PPFIA2: variants seen among roughly 807,000 people sequenced by gnomAD.
PPFIA2 encodes the protein PPFI scaffold protein A2.
In PPFIA2, 46 loss-of-function variants were observed where a neutral mutation model predicts 175.5. The ratio of observed to expected loss-of-function variants is 0.26; its 90% confidence interval spans 0.21 to 0.34. The LOEUF is 0.34. Among genes scored for constraint, PPFIA2 ranks in the 10% least tolerant of loss-of-function variants. PPFIA2 has a pLI of 1.00. For missense variants in PPFIA2, 1,179 were observed against 1,506.1 expected, an observed-to-expected ratio of 0.78 and a Z score of 3.60; for synonymous variants, 568 against 511.4, an observed-to-expected ratio of 1.11 and a Z score of -1.49.
At chr12:81,625,410 T>C (rs2062581901) in intron 4 of PPFIA2, among the ~76,000 whole-genome samples, 1 of 151,824 alleles carries the variant, frequency 6.6e-6, no homozygotes, top group African/African-American at 2.4e-5. Flanking sequence ...GAAGGAGGAA[T>C]TTTCACAAGA....
rs191646916 is a variant in PPFIA2 at position 81,612,770 on chromosome 12, A to C, written c.303+64021T>G. On this transcript the variant is annotated intron_variant, in intron 4 of 32. Coordinates refer to ENST00000549396, the MANE Select transcript of PPFIA2 (RefSeq NM_003625.5). ...CATAATTTCATAAAATATGTATATG[A>C]ATGTACATAGATGTGTCATATATAT... 9.2e-4 allele frequency among the ~76,000 whole-genome samples: 140 copies of C among 152,348 alleles called. 1 individual carries two copies. Among genetic ancestry groups the C allele is most frequent in the African/African-American group, 3.2e-3 (133 of 41,580 alleles).
chr12:81,312,781 G>C (rs1021547549), intron 22 of PPFIA2, among the ~76,000 whole-genome samples: 3 of 152,084 alleles, frequency 2.0e-5, no homozygotes, highest in African/African-American at 7.2e-5. Context: ...AATGTGTAAA[G>C]TCCATTCCAG....
intron 22 of PPFIA2, among the ~76,000 whole-genome samples, chr12:81,317,647 C>T (rs2052713516): frequency 6.6e-6 from 1 of 151,506 alleles, no homozygotes; most frequent in Non-Finnish European, 1.5e-5. Context: ...GAAATCACTG[C>T]CCTAACTCCT....
rs146941245 is a variant in PPFIA2 at position 81,646,314 on chromosome 12, A to T, written c.303+30477T>A. Among the ~76,000 whole-genome samples, 399 of 152,240 alleles carry T rather than the reference A, an allele frequency of 2.6e-3. 1 individual carries two copies. The highest frequency in any genetic ancestry group is 3.9e-3 in the Non-Finnish European group (263 of 68,012). On this transcript the variant is annotated intron_variant, in intron 4 of 32. Coordinates refer to ENST00000549396, the MANE Select transcript of PPFIA2 (RefSeq NM_003625.5). Reference sequence around the variant, plus strand: ...CAGCTGTCTTGAAGGAGGGCTAGAAAACTTGATTGCACCCTAGACCCTCTA... The same window carrying T: ...CAGCTGTCTTGAAGGAGGGCTAGAATACTTGATTGCACCCTAGACCCTCTA...
At chr12:81,370,962 C>T (rs565493674) in intron 11 of PPFIA2, among the ~76,000 whole-genome samples, 1 of 151,894 alleles carries the variant, frequency 6.6e-6, no homozygotes, top group Non-Finnish European at 1.5e-5. Flanking sequence ...CATGCAGTAA[C>T]TGAAAAGAAA....
intron 4 of PPFIA2, among the ~76,000 whole-genome samples, chr12:81,567,744 C>T (rs1281103091): frequency 6.6e-6 from 1 of 152,168 alleles, no homozygotes; most frequent in African/African-American, 2.4e-5. Flanking sequence ...CATTCCAGGG[C>T]TTATGTGTCT....
At chr12:81,599,514 A>C (rs921039157) in intron 4 of PPFIA2, among the ~76,000 whole-genome samples, 2 of 151,994 alleles carry the variant, frequency 1.3e-5, no homozygotes, top group African/African-American at 4.8e-5. Flanking sequence ...TTTGGGAATA[A>C]TTTCTGATTT....
intron 5 of PPFIA2, among the ~76,000 whole-genome samples, chr12:81,450,614 C>T (rs566685041): frequency 4.6e-5 from 7 of 152,152 alleles, no homozygotes; most frequent in South Asian, 2.1e-4. Flanking sequence ...ATGGTATTTT[C>T]TTTTGCTGTG....
At chr12:81,630,165 C>T (rs544843934) in intron 4 of PPFIA2, among the ~76,000 whole-genome samples, 2 of 152,152 alleles carry the variant, frequency 1.3e-5, no homozygotes, top group Non-Finnish European at 2.9e-5. Flanking sequence ...CTGGCTAACG[C>T]TATGATTTTA....
intron 8 of PPFIA2, among the ~76,000 whole-genome samples, chr12:81,392,250 C>T (rs1030093614): frequency 2.0e-5 from 3 of 151,578 alleles, no homozygotes; most frequent in African/African-American, 4.8e-5. Context: ...TTGTAGTCTT[C>T]GATTAGAAAG....
At chr12:81,334,471 T>G (rs1264253881) in intron 21 of PPFIA2, among the ~76,000 whole-genome samples, 4 of 140,816 alleles carry the variant, frequency 2.8e-5, no homozygotes, top group Non-Finnish European at 6.1e-5. Flanking sequence ...GGATTATCTA[T>G]GTCTTCTCTC....
intron 4 of PPFIA2, among the ~76,000 whole-genome samples, chr12:81,585,026 TTAATTATATTTA>T (rs1443629473): frequency 8.3e-5 from 8 of 96,504 alleles, no homozygotes; most frequent in African/African-American, 1.1e-4. Flanking sequence ...ATATAATATA[TTAATTATATTTA>T]TATATAATAT....
At chr12:81,611,036 T>G (rs531887058) in intron 4 of PPFIA2, among the ~76,000 whole-genome samples, 1 of 152,280 alleles carries the variant, frequency 6.6e-6, no homozygotes, top group South Asian at 2.1e-4. Flanking sequence ...TAGATGGCAC[T>G]TAAGAGTAAT....
At chr12:81,402,589 C>T (rs775831272) in intron 8 of PPFIA2, among the ~76,000 whole-genome samples, 2 of 152,112 alleles carry the variant, frequency 1.3e-5, no homozygotes, top group African/African-American at 4.8e-5. Flanking sequence ...CACGGTGGCT[C>T]ACACCTGTAA....
At chr12:81,340,860 CAAT>C (rs1300172808) in intron 20 of PPFIA2, among the ~76,000 whole-genome samples, 2 of 151,668 alleles carry the variant, frequency 1.3e-5, no homozygotes, top group Non-Finnish European at 1.5e-5. Context: ...CTATATTGAC[CAAT>C]AATAAGACCA....
At chr12:81,363,256 A>G (rs906406459) in intron 14 of PPFIA2, among the ~76,000 whole-genome samples, 2 of 151,308 alleles carry the variant, frequency 1.3e-5, no homozygotes, top group Admixed American at 1.3e-4. Flanking sequence ...ATAGGCAACA[A>G]TTGGAGGATT....
At chr12:81,622,142 A>G (rs1259044530) in intron 4 of PPFIA2, among the ~76,000 whole-genome samples, 2 of 152,204 alleles carry the variant, frequency 1.3e-5, no homozygotes, top group Non-Finnish European at 2.9e-5. Context: ...TATCTGGATA[A>G]TTTGGACAGC....
At chr12:81,498,117 C>G (rs984999274) in intron 4 of PPFIA2, among the ~76,000 whole-genome samples, 1 of 152,076 alleles carries the variant, frequency 6.6e-6, no homozygotes, top group Non-Finnish European at 1.5e-5. Context: ...AGATTTTTTT[C>G]TCAAATTTAG....
At chr12:81,700,558 A>G (rs1357134339) in intron 3 of PPFIA2, among the ~76,000 whole-genome samples, 3 of 152,136 alleles carry the variant, frequency 2.0e-5, no homozygotes, top group African/African-American at 7.2e-5. Flanking sequence ...ATTCCAAAGC[A>G]TATGGTTCTG....
Sources: gnomAD v4.1 joint callset for allele counts (sites outside exome capture counted in the v4.1 genomes callset) on GRCh38, gnomAD v4.1.1 for gene constraint, MANE v1.5 for transcripts, NCBI Gene and HGNC (gene_info 2026-07-23, HGNC 2026-07-21) for gene names.